Variants in BROX observed in about 807,000 individuals in gnomAD.
BROX encodes BRO1 domain and CAAX motif containing.
A neutral mutation model predicts 61.0 loss-of-function variants in BROX; 53 were observed. The observed-to-expected ratio is 0.87, with a 90% CI of 0.70 to 1.09. The LOEUF (loss-of-function observed/expected upper bound fraction) is 1.09. Ranked by LOEUF, BROX falls within the 50% of genes least tolerant of loss-of-function variation. BROX has a pLI of 0.00. For missense variants in BROX, 489 were observed against 472.0 expected, an observed-to-expected ratio of 1.04 and a Z score of -0.33; for synonymous variants, 152 against 160.2, an observed-to-expected ratio of 0.95 and a Z score of 0.38.
chr1:222,714,209 CTTTTT>C (rs397864188), intron 1 of BROX, among the ~76,000 whole-genome samples: 99 of 126,810 alleles, frequency 7.8e-4, no homozygotes, highest in African/African-American at 3.0e-3. Flanking sequence ...AGACATGCTG[CTTTTT>C]TTTTTTTTTT....
chr1:222,723,890 C>T (rs905356962), intron 5 of BROX, among the ~76,000 whole-genome samples: 2 of 152,150 alleles, frequency 1.3e-5, no homozygotes, highest in African/African-American at 2.4e-5. Context: ...AACTTCTGGC[C>T]TCAAGCAACC....
Position 222,724,094 on chromosome 1 carries a change from T to A in BROX, c.404T>A (p.Ile135Lys). ...YASRLAGKEN[I>K]TEDEAKEVHR... ...CTAATGTAACCCCTATCTTTAAGTA[T>A]AACAGAAGATGAAGCAAAAGAAGTT... The change falls in exon 6 of 13, where the codon ATA becomes AAA. Residue 135 changes from isoleucine (I) to lysine (K), a missense_variant and splice_region_variant. Ile to Lys is a moderately radical substitution (Grantham distance 102). Transcript: ENST00000340934. 6.2e-7 allele frequency: 1 copy of A among 1,606,772 alleles called. No homozygotes were observed. The highest frequency in any genetic ancestry group is 8.5e-7 in the Non-Finnish European group (1 of 1,176,194).
At position 222,719,228 on chromosome 1, in the gene BROX, C is replaced by G. The variant is rs754600462; in HGVS notation, c.209-35C>G. 49 of 1,472,720 alleles carry G rather than the reference C, an allele frequency of 3.3e-5. No individual in the cohort carries two copies. The Middle Eastern group carries it at 9.0e-4, about 27-fold the overall frequency. 91.2% of individuals were successfully genotyped at this position (1,472,720 alleles called of 1,614,324 possible). On this transcript the variant is annotated intron_variant, in intron 3 of 12. Coordinates refer to ENST00000340934, the MANE Select transcript of BROX (RefSeq NM_144695.4). ...AGAACACTCAATATTTCTTCTAATTCTTCTAAAACTAAAATGTCTTGTACT... is the reference window on the plus strand; with the variant it reads ...AGAACACTCAATATTTCTTCTAATTGTTCTAAAACTAAAATGTCTTGTACT...
At chr1:222,718,350 G>A (rs973473839) in intron 2 of BROX, among the ~76,000 whole-genome samples, 5 of 151,998 alleles carry the variant, frequency 3.3e-5, no homozygotes, top group African/African-American at 7.2e-5. Flanking sequence ...TGATGGCCAC[G>A]TTTTACATAT....
chr1:222,719,809 A>C (rs996239439), intron 4 of BROX, among the ~76,000 whole-genome samples: 3 of 152,230 alleles, frequency 2.0e-5, no homozygotes, highest in African/African-American at 7.2e-5. Flanking sequence ...TTTCTTCATT[A>C]TCTCTCTTCC....
intron 5 of BROX, 121 bp from the exon 6 acceptor site, chr1:222,723,971 A>G: frequency 1.4e-6 from 1 of 696,706 alleles, no homozygotes; most frequent in Non-Finnish European, 2.4e-6. Context: ...TTTTAAAAGG[A>G]AGAAAATTAG....
intron 5 of BROX, 116 bp from the exon 6 acceptor site, chr1:222,723,976 A>T (rs1349645419): frequency 1.4e-6 from 1 of 713,018 alleles, no homozygotes; most frequent in African/African-American, 1.8e-5. Context: ...AAAGGAAGAA[A>T]ATTAGCAGTG....
At chr1:222,727,703 T>C (rs188926109) in intron 8 of BROX, among the ~76,000 whole-genome samples, 1 of 152,268 alleles carries the variant, frequency 6.6e-6, no homozygotes, top group East Asian at 1.9e-4. Flanking sequence ...CTGTTTTTGT[T>C]GCTAAGGAGA....
chr1:222,729,772 G>T, intron 10 of BROX, 71 bp downstream of exon 10: 1 of 1,425,296 alleles, frequency 7.0e-7, no homozygotes, highest in Non-Finnish European at 9.7e-7. Flanking sequence ...GGGAATATAT[G>T]CTTAAAGAGA....
rs1251831399 is a variant in BROX at position 222,730,078 on chromosome 1, C to G, written c.890C>G (p.Pro297Arg). The change falls in exon 11 of 13, where the codon CCT (proline) becomes CGT (arginine). Residue 297 changes from proline (P) to arginine (R), a missense_variant. By Grantham distance (103) the Pro-to-Arg change is moderately radical (BLOSUM62 -2). Coordinates refer to ENST00000340934, the MANE Select transcript of BROX (RefSeq NM_144695.4). ...AAAGAATATGGAGAAACCAAAGGAC[C>G]TGGACCAACAGTCAAACCTTCAGGA... is the stretch of plus-strand genomic sequence containing the variant. ...LCKEYGETKG[P>R]GPTVKPSGHL... The G allele has an allele frequency of 1.2e-6, 2 of 1,613,332 alleles. No individual in the cohort carries two copies. The highest frequency in any genetic ancestry group is 1.3e-5 in the African/African-American group (1 of 74,854).
At position 222,734,475 on chromosome 1, in the gene BROX, A is replaced by G. The variant is rs1658159549; in HGVS notation, c.*1761A>G. The G allele has an allele frequency of 6.6e-6, 1 of 152,248 alleles. No homozygotes were observed. The highest frequency in any genetic ancestry group is 1.5e-5 in the Non-Finnish European group (1 of 68,038). The allele number at this position is 152,248 out of a possible 1,614,324, so 9.4% of individuals were successfully genotyped here. ...TAGTTTACACTCCTTAAAAAAAGGTACATAAATTCAGTGAGGTTTTTTTCT... is the reference window on the plus strand; with the variant it reads ...TAGTTTACACTCCTTAAAAAAAGGTGCATAAATTCAGTGAGGTTTTTTTCT... On this transcript the variant is annotated 3_prime_UTR_variant, in exon 13 of 13. Coordinates refer to ENST00000340934, the MANE Select transcript of BROX (RefSeq NM_144695.4).
chr1:222,723,705 C>T (rs371198615), intron 5 of BROX, among the ~76,000 whole-genome samples: 3 of 152,140 alleles, frequency 2.0e-5, no homozygotes, highest in East Asian at 1.9e-4. Flanking sequence ...GATGGAGTGC[C>T]GCTCTGTCGC....
At position 222,727,163 on chromosome 1, in the gene BROX, T is replaced by G. The variant is rs758080144; in HGVS notation, c.581-5T>G. On this transcript the variant is annotated splice_polypyrimidine_tract_variant and splice_region_variant and intron_variant, in intron 7 of 12. Transcript: ENST00000340934. ...ATAGATTCACTTTATTGTGTTTGGT[T>G]ACAGTAACAATTGCTCGAGCAATTG... is the stretch of plus-strand genomic sequence containing the variant. 2.5e-6 allele frequency: 4 copies of G among 1,603,666 alleles called. No individual in the cohort carries two copies. The South Asian group carries it at 4.4e-5, about 18-fold the overall frequency.
In BROX at chr1:222,722,492, T is replaced by TC. The variant is rs1657172995; in HGVS notation, c.380dup (p.Arg128LysfsTer12). Reference sequence around the variant, plus strand: ...AGCTTTATGGTATACCAAATATGCTTCAAGACTGGCTGGAAAAGAAAAGTA... The same window carrying TC: ...AGCTTTATGGTATACCAAATATGCTTCCAAGACTGGCTGGAAAAGAAAAGTA... On this transcript the variant is annotated frameshift_variant, in exon 5 of 13. Transcript: ENST00000340934. LOFTEE classifies it high-confidence loss of function. 2 of 1,612,282 alleles carry TC rather than the reference T, an allele frequency of 1.2e-6. No homozygotes were observed. Among genetic ancestry groups the TC allele is most frequent in the African/African-American group, 2.7e-5 (2 of 74,872 alleles).
intron 4 of BROX, among the ~76,000 whole-genome samples, chr1:222,720,478 T>C (rs1411782216): frequency 1.3e-5 from 2 of 152,156 alleles, no homozygotes; most frequent in Non-Finnish European, 2.9e-5. Context: ...TTTCATAAAT[T>C]TGGCATTTTT....
At chr1:222,724,256 T>G (rs1657330025) in intron 6 of BROX, 92 bp downstream of exon 6, 1 of 1,040,378 alleles carries the variant, frequency 9.6e-7, no homozygotes, top group African/African-American at 1.6e-5. Context: ...AAGAATTGTT[T>G]CATTATATTA....
intron 9 of BROX, among the ~76,000 whole-genome samples, chr1:222,729,368 T>C (rs1657764455): frequency 6.6e-6 from 1 of 152,232 alleles, no homozygotes; most frequent in Non-Finnish European, 1.5e-5. Flanking sequence ...CTTTATCTAC[T>C]ATTTCCTAAT....
chr1:222,719,428 T>A, intron 4 of BROX, 69 bp downstream of exon 4: 1 of 1,063,518 alleles, frequency 9.4e-7, no homozygotes, highest in Non-Finnish European at 1.4e-6. Flanking sequence ...GGTTAACTCA[T>A]AGCCTTTGTA....
At position 222,732,669 on chromosome 1, in the gene BROX, A is replaced by C. The variant is rs750900413; in HGVS notation, c.1191A>C (p.Glu397Asp). 13 of 1,613,646 alleles carry C rather than the reference A, an allele frequency of 8.1e-6. No homozygotes were observed. In the South Asian group the frequency reaches 1.3e-4, roughly 16 times the overall value. The change falls in exon 13 of 13, where the codon GAA (glutamate) becomes GAC (aspartate). Residue 397 changes from glutamate to aspartate, a missense_variant. By Grantham distance (45) the Glu-to-Asp change is conservative. Coordinates refer to ENST00000340934, the MANE Select transcript of BROX (RefSeq NM_144695.4). ...AAGAAGAAGTGAAACCTGTGAAAGA[A>C]CCAGACATCAAACCTCAAAAGGACA... is the stretch of plus-strand genomic sequence containing the variant. ...KPEEEVKPVK[E>D]PDIKPQKDTG... is the part of the protein sequence containing the mutation.
Sources: gnomAD v4.1 joint callset for allele counts (sites outside exome capture counted in the v4.1 genomes callset) on GRCh38, gnomAD v4.1.1 for gene constraint, MANE v1.5 for transcripts, NCBI Gene and HGNC (gene_info 2026-07-23, HGNC 2026-07-21) for gene names.